MAPK10: variants seen among roughly 807,000 people sequenced by gnomAD.
The protein encoded by MAPK10 is mitogen-activated protein kinase 10.
Under a neutral mutation model 59.3 loss-of-function variants are expected in MAPK10, and 25 were observed. The ratio of observed to expected loss-of-function variants is 0.42; its 90% confidence interval spans 0.31 to 0.59. The LOEUF is 0.59. MAPK10 is among the 20% of genes least tolerant of loss of function. MAPK10 has a pLI of 0.15. For synonymous variants in MAPK10, 190 were observed against 200.5 expected, an observed-to-expected ratio of 0.95 and a Z score of 0.44; for missense variants, 351 against 568.9, an observed-to-expected ratio of 0.62 and a Z score of 3.90.
At chr4:86,125,330 ATTC>A (rs1169166640) in intron 4 of MAPK10, 3 of 151,948 alleles carry the variant, frequency 2.0e-5, no homozygotes, top group Non-Finnish European at 4.4e-5. Context: ...CACAGTAATT[ATTC>A]TTCTCATTAA....
intron 1 of MAPK10, among the ~76,000 whole-genome samples, chr4:86,547,626 G>A (rs1759336760): frequency 6.6e-6 from 1 of 152,224 alleles, no homozygotes; most frequent in African/African-American, 2.4e-5. Flanking sequence ...ACCACCCAAG[G>A]GCTGAGGAAT....
chr4:86,333,091 G>A (rs746208963), intron 2 of MAPK10, among the ~76,000 whole-genome samples: 2 of 152,108 alleles, frequency 1.3e-5, no homozygotes, highest in African/African-American at 2.4e-5. Flanking sequence ...GACTACAGGC[G>A]CATGCCACTG....
chr4:86,463,858 C>T (rs909745029), intron 1 of MAPK10, among the ~76,000 whole-genome samples: 1 of 152,142 alleles, frequency 6.6e-6, no homozygotes, highest in Non-Finnish European at 1.5e-5. Context: ...GTCCATAAAG[C>T]TCAAATAAAT....
intron 1 of MAPK10, among the ~76,000 whole-genome samples, chr4:86,442,861 G>C (rs959407683): frequency 2.0e-5 from 3 of 152,150 alleles, no homozygotes; most frequent in Non-Finnish European, 4.4e-5. Context: ...TAACGCCACT[G>C]AGCCGAACTC....
intron 4 of MAPK10, among the ~76,000 whole-genome samples, chr4:86,130,225 T>C (rs1317473124): frequency 6.6e-6 from 1 of 152,196 alleles, no homozygotes. Flanking sequence ...AACAATTTAC[T>C]GATCTTCTGG....
chr4:86,315,127 T>C (rs1722582457), intron 2 of MAPK10, among the ~76,000 whole-genome samples: 1 of 152,132 alleles, frequency 6.6e-6, no homozygotes, highest in African/African-American at 2.4e-5. Context: ...CATTATGTTA[T>C]GTGAAATAAG....
chr4:86,164,724 T>C (rs1039333972), intron 3 of MAPK10, among the ~76,000 whole-genome samples: 5 of 152,178 alleles, frequency 3.3e-5, no homozygotes, highest in African/African-American at 1.2e-4. Flanking sequence ...ATACTCTTTA[T>C]TATGTTAAAC....
chr4:86,081,136 C>T (rs2050567924), intron 9 of MAPK10: 1 of 151,836 alleles, frequency 6.6e-6, no homozygotes, highest in Admixed American at 6.6e-5. Context: ...TATGTGGAAA[C>T]TTATTAGAGA....
chr4:86,090,106 C>A (rs1375629207), intron 9 of MAPK10, among the ~76,000 whole-genome samples: 1 of 151,864 alleles, frequency 6.6e-6, no homozygotes, highest in South Asian at 2.1e-4. Context: ...GAGGGAGGGG[C>A]AAAATGGGGA....
chr4:86,271,559 A>G (rs1000558981), intron 2 of MAPK10, among the ~76,000 whole-genome samples: 1 of 152,000 alleles, frequency 6.6e-6, no homozygotes, highest in Non-Finnish European at 1.5e-5. Flanking sequence ...GGTAGTGAGC[A>G]TGATGCCTGT....
Position 86,017,300 on chromosome 4 carries a change from G to T in MAPK10, c.1323C>A (p.Thr441=), listed in dbSNP as rs146719773. 1 of 1,614,120 alleles carries T rather than the reference G, an allele frequency of 6.2e-7. No homozygotes were observed. The highest frequency in any genetic ancestry group is 1.3e-5 in the African/African-American group (1 of 75,018). The change falls in exon 14 of 14, where the codon ACC becomes ACA. Residue 441 remains threonine (T), a synonymous_variant. Transcript: ENST00000641462. The surrounding 1 kb of genome is among the most constrained non-coding windows in gnomAD (Gnocchi z 4.4). The stretch of plus-strand genomic sequence containing the variant: ...CAGTGTCAGATGCCAGGGTCTGGTC[G>T]GTGGACATGGAGGAGATGTCATTGA... The part of the protein sequence containing the change: ...SSVNDISSMS[T]DQTLASDTDS...
At chr4:86,531,317 T>A (rs1426368929) in intron 1 of MAPK10, among the ~76,000 whole-genome samples, 1 of 152,216 alleles carries the variant, frequency 6.6e-6, no homozygotes, top group Non-Finnish European at 1.5e-5. Context: ...GAGGATACAT[T>A]CACATCCCCT....
At chr4:86,122,762 T>G (rs2059463249) in intron 4 of MAPK10, among the ~76,000 whole-genome samples, 2 of 152,142 alleles carry the variant, frequency 1.3e-5, no homozygotes, top group Non-Finnish European at 2.9e-5. Context: ...CCTTGAAAAT[T>G]GATGTGGATG....
chr4:86,493,273 A>G (rs1274287173), intron 1 of MAPK10, among the ~76,000 whole-genome samples: 4 of 152,162 alleles, frequency 2.6e-5, no homozygotes, highest in Non-Finnish European at 5.9e-5. Flanking sequence ...TTGCTCAATT[A>G]AACTCCTTTA....
At chr4:86,201,359 C>T (rs998577925) in intron 2 of MAPK10, among the ~76,000 whole-genome samples, 1 of 151,836 alleles carries the variant, frequency 6.6e-6, no homozygotes, top group African/African-American at 2.4e-5. Context: ...CACATCCCTG[C>T]CAACATTTGA....
At chr4:86,382,974 A>G (rs2904096) in intron 1 of MAPK10, among the ~76,000 whole-genome samples, 111,240 of 152,112 alleles carry the variant, frequency 0.73, 41,305 homozygotes, top group South Asian at 0.91. Context: ...GTAGAATAAG[A>G]ATAATGAAAC....
rs537547311 is a variant in MAPK10 at position 86,590,261 on chromosome 4, G to A, written c.-263+3649C>T. ...AGAAATAACTAGGTTTCTCAACACC[G>A]TAACCTGAATGATACACATCATCCC... On this transcript the variant is annotated intron_variant, in intron 1 of 4. Transcript: ENST00000502302. Among the ~76,000 whole-genome samples, 5 of 152,152 alleles carry A rather than the reference G, an allele frequency of 3.3e-5. No homozygotes were observed. The South Asian group carries it at 6.2e-4, about 19-fold the overall frequency.
At chr4:86,482,550 C>T (rs112843443) in intron 1 of MAPK10, among the ~76,000 whole-genome samples, 2,034 of 152,152 alleles carry the variant, frequency 0.013, 12 homozygotes, top group African/African-American at 0.017. Flanking sequence ...GAGCTCCTGC[C>T]GTTGTGAAAA....
chr4:86,475,514 G>A (rs1196120971), intron 1 of MAPK10, among the ~76,000 whole-genome samples: 1 of 152,108 alleles, frequency 6.6e-6, no homozygotes, highest in Non-Finnish European at 1.5e-5. Context: ...AGAGACAGGA[G>A]ACACGTTTTA....
Sources: gnomAD v4.1 joint callset for allele counts (sites outside exome capture counted in the v4.1 genomes callset) on GRCh38, gnomAD v4.1.1 for gene constraint, Gnocchi (gnomAD v3.1) non-coding constraint, MANE v1.5 for transcripts, NCBI Gene and HGNC (gene_info 2026-07-23, HGNC 2026-07-21) for gene names.